Variants in SLC35F4 observed in about 807,000 individuals in gnomAD.
The protein encoded by SLC35F4 is chromosome 14 open reading frame 36.
SLC35F4 carries 24 observed loss-of-function variants against 44.2 expected under a neutral mutation model. The ratio of observed to expected loss-of-function variants is 0.54; its 90% CI spans 0.39 to 0.76. The LOEUF is 0.76. Among genes scored for constraint, SLC35F4 ranks in the 30% least tolerant of loss-of-function variants. The pLI, the probability that SLC35F4 is intolerant of heterozygous loss-of-function variation, is 0.00. For missense variants in SLC35F4, 562 were observed against 586.1 expected, an observed-to-expected ratio of 0.96 and a Z score of 0.42; for synonymous variants, 238 against 223.6, an observed-to-expected ratio of 1.06 and a Z score of -0.57.
upstream of SLC35F4, among the ~76,000 whole-genome samples, chr14:57,868,781 T>G (rs1298579548): frequency 3.3e-5 from 5 of 152,182 alleles, no homozygotes; most frequent in Non-Finnish European, 7.3e-5. Context: ...GGATAACTTT[T>G]AAAGCATTTT....
intron 1 of SLC35F4, among the ~76,000 whole-genome samples, chr14:57,856,533 A>G (rs1887113323): frequency 6.6e-6 from 1 of 152,130 alleles, no homozygotes; most frequent in South Asian, 2.1e-4. Context: ...ATGTAAATTT[A>G]TATTTTAAAT....
chr14:57,941,704 C>T (rs187005463), intron 1 of SLC35F4, among the ~76,000 whole-genome samples: 195 of 150,540 alleles, frequency 1.3e-3, no homozygotes, highest in African/African-American at 4.6e-3. Context: ...AATTTCAGCT[C>T]AATTTAAAAA....
intron 1 of SLC35F4, among the ~76,000 whole-genome samples, chr14:57,600,970 C>T (rs1021835428): frequency 1.3e-5 from 2 of 151,846 alleles, no homozygotes; most frequent in Non-Finnish European, 2.9e-5. Flanking sequence ...ATAGTCAATG[C>T]ACAAGCAATA....
chr14:57,920,979 A>G (rs1889428983), intron 1 of SLC35F4, among the ~76,000 whole-genome samples: 1 of 152,250 alleles, frequency 6.6e-6, no homozygotes. Context: ...CGTACACATC[A>G]TTGAAAGGAA....
intron 1 of SLC35F4, among the ~76,000 whole-genome samples, chr14:57,912,193 C>A (rs1889228423): frequency 6.6e-6 from 1 of 151,726 alleles, no homozygotes; most frequent in South Asian, 2.1e-4. Flanking sequence ...TTTTATTGAT[C>A]TTTTCAAAGA....
At chr14:57,829,757 G>A (rs750513662) in intron 1 of SLC35F4, among the ~76,000 whole-genome samples, 124 of 152,282 alleles carry the variant, frequency 8.1e-4, no homozygotes, top group African/African-American at 2.8e-3. Flanking sequence ...CTGGTTGTGT[G>A]TGATTCTGAG....
At chr14:57,843,154 A>G (rs1047171385) in intron 1 of SLC35F4, among the ~76,000 whole-genome samples, 42 of 152,296 alleles carry the variant, frequency 2.8e-4, no homozygotes, top group African/African-American at 1.0e-3. Context: ...CTCAGCTTGC[A>G]GATGGCCTAT....
At chr14:57,946,072 G>A (rs906561397) in intron 1 of SLC35F4, among the ~76,000 whole-genome samples, 1 of 152,110 alleles carries the variant, frequency 6.6e-6, no homozygotes, top group Non-Finnish European at 1.5e-5. Flanking sequence ...CATTCTGTGG[G>A]TTCTCTGTTT....
chr14:57,909,666 C>T (rs1889178115), intron 1 of SLC35F4, among the ~76,000 whole-genome samples: 1 of 151,990 alleles, frequency 6.6e-6, no homozygotes, highest in South Asian at 2.1e-4. Flanking sequence ...TTTTTTACCA[C>T]TGGATAATAT....
At chr14:57,807,721 C>T (rs1007201126) in intron 1 of SLC35F4, among the ~76,000 whole-genome samples, 1 of 151,892 alleles carries the variant, frequency 6.6e-6, no homozygotes, top group African/African-American at 2.4e-5. Context: ...CACTCTACCA[C>T]TTATATTATT....
chr14:57,806,952 C>T (rs375255271), intron 1 of SLC35F4, among the ~76,000 whole-genome samples: 2 of 152,154 alleles, frequency 1.3e-5, no homozygotes, highest in East Asian at 1.9e-4. Context: ...ATGTGACATG[C>T]AATCCCATTG....
At chr14:57,848,758 G>T (rs7145075) in intron 1 of SLC35F4, among the ~76,000 whole-genome samples, 5,461 of 152,232 alleles carry the variant, frequency 0.036, 361 homozygotes, top group African/African-American at 0.12. Context: ...TCTTTCTGGG[G>T]CAAACATTGG....
chr14:57,926,705 A>C (rs148001248), intron 1 of SLC35F4, among the ~76,000 whole-genome samples: 101 of 123,672 alleles, frequency 8.2e-4, no homozygotes, highest in African/African-American at 3.1e-3. Context: ...ATAAAAAGGA[A>C]TATAACAATG....
chr14:57,622,413 C>G (rs183738773), intron 1 of SLC35F4, among the ~76,000 whole-genome samples: 45 of 148,996 alleles, frequency 3.0e-4, no homozygotes, highest in African/African-American at 1.0e-3. Context: ...GACTTGGAAA[C>G]CAACCCAAAT....
chr14:57,674,975 G>C (rs1302591719), intron 1 of SLC35F4, among the ~76,000 whole-genome samples: 2 of 152,112 alleles, frequency 1.3e-5, no homozygotes, highest in African/African-American at 4.8e-5. Flanking sequence ...CTGGAACAAA[G>C]GCTGTAAGTG....
chr14:57,772,076 CAT>C (rs1661104565), intron 1 of SLC35F4, among the ~76,000 whole-genome samples: 1 of 152,152 alleles, frequency 6.6e-6, no homozygotes, highest in Admixed American at 6.5e-5. Context: ...AATAGGAAAA[CAT>C]ATCTGTGAAG....
At chr14:57,830,863 G>A (rs968030806) in intron 1 of SLC35F4, among the ~76,000 whole-genome samples, 1 of 152,138 alleles carries the variant, frequency 6.6e-6, no homozygotes, top group Non-Finnish European at 1.5e-5. Context: ...CAATTTATCA[G>A]AAATTCACCC....
intron 4 of SLC35F4, among the ~76,000 whole-genome samples, chr14:57,573,298 A>C (rs1377920057): frequency 1.3e-5 from 2 of 152,190 alleles, no homozygotes; most frequent in African/African-American, 4.8e-5. Flanking sequence ...GCTCCATATT[A>C]AAGTGTCCTT....
intron 1 of SLC35F4, among the ~76,000 whole-genome samples, chr14:57,634,989 G>T (rs150958221): frequency 5.3e-5 from 8 of 152,092 alleles, no homozygotes; most frequent in Non-Finnish European, 2.9e-5. Flanking sequence ...GGCCGGTTGC[G>T]GCTCATGCCT....
Sources: allele counts gnomAD v4.1 joint callset (sites outside exome capture counted in the v4.1 genomes callset), GRCh38; gene constraint gnomAD v4.1.1; transcripts MANE v1.5; gene names NCBI Gene and HGNC (gene_info 2026-07-23, HGNC 2026-07-21).